Variants in PALM2AKAP2 observed in about 807,000 individuals in gnomAD.
PALM2AKAP2 encodes PALM2 and AKAP2 fusion.
Under a neutral mutation model 71.5 loss-of-function variants are expected in PALM2AKAP2, and 37 were observed. That is an observed-to-expected ratio of 0.52 (90% confidence interval 0.40 to 0.68). PALM2AKAP2 has a LOEUF of 0.68. Ranked by LOEUF, PALM2AKAP2 falls within the 30% of genes least tolerant of loss-of-function variation. The pLI is 0.00. For missense variants in PALM2AKAP2, 1,224 were observed against 1,191.8 expected, an observed-to-expected ratio of 1.03 and a Z score of -0.40; for synonymous variants, 468 against 478.8, an observed-to-expected ratio of 0.98 and a Z score of 0.29.
At chr9:109,704,495 G>C (rs1471276268) in intron 1 of PALM2AKAP2, among the ~76,000 whole-genome samples, 1 of 152,208 alleles carries the variant, frequency 6.6e-6, no homozygotes, top group African/African-American at 2.4e-5. Context: ...AAAAGTTTTA[G>C]AGGGAGGATA....
intron 6 of PALM2AKAP2, among the ~76,000 whole-genome samples, chr9:110,005,417 G>A (rs953780985): frequency 7.9e-5 from 12 of 152,236 alleles, no homozygotes. Context: ...CCGGCTATGT[G>A]AGATGTCAGT....
chr9:109,647,394 T>C (rs1827169784), intron 1 of PALM2AKAP2, among the ~76,000 whole-genome samples: 1 of 152,224 alleles, frequency 6.6e-6, no homozygotes, highest in South Asian at 2.1e-4. Flanking sequence ...CACTTTTTGC[T>C]ACTATTTTCA....
At chr9:110,064,650 G>A (rs1028766351) in intron 1 of PALM2AKAP2, among the ~76,000 whole-genome samples, 7 of 152,348 alleles carry the variant, frequency 4.6e-5, no homozygotes, top group Admixed American at 1.3e-4. Flanking sequence ...CTCTGGCCCC[G>A]GAACTGGGGC....
intron 7 of PALM2AKAP2, among the ~76,000 whole-genome samples, chr9:110,021,041 T>C (rs1345231376): frequency 6.6e-6 from 1 of 150,678 alleles, no homozygotes; most frequent in African/African-American, 2.4e-5. Flanking sequence ...AGGAGGCAGA[T>C]GTTGCAGTGA....
intron 1 of PALM2AKAP2, among the ~76,000 whole-genome samples, chr9:109,791,526 C>CA (rs142798736): frequency 0.015 from 2,360 of 152,260 alleles, 65 homozygotes; most frequent in African/African-American, 0.054. Flanking sequence ...TAGGGCACCC[C>CA]AGGCTTCAGA....
intron 1 of PALM2AKAP2, among the ~76,000 whole-genome samples, chr9:109,757,101 C>G (rs1018107260): frequency 2.6e-5 from 4 of 152,084 alleles, no homozygotes; most frequent in African/African-American, 9.7e-5. Context: ...GCCAACCACT[C>G]TTTATCCCCA....
chr9:110,123,170 T>G (rs1336392343), intron 1 of PALM2AKAP2, among the ~76,000 whole-genome samples: 1 of 152,224 alleles, frequency 6.6e-6, no homozygotes, highest in Non-Finnish European at 1.5e-5. Flanking sequence ...TGCATGGGTG[T>G]GTATGTGTGA....
intron 6 of PALM2AKAP2, among the ~76,000 whole-genome samples, chr9:109,999,392 T>TA (rs1450701625): frequency 2.6e-5 from 4 of 151,434 alleles, no homozygotes; most frequent in South Asian, 2.1e-4. Flanking sequence ...CAAATAAAAA[T>TA]AAAAAAAATG....
chr9:109,653,550 A>G (rs894226818), intron 1 of PALM2AKAP2, among the ~76,000 whole-genome samples: 2 of 152,206 alleles, frequency 1.3e-5, no homozygotes, highest in Non-Finnish European at 2.9e-5. Context: ...AAAGACATTA[A>G]TAATAAGGTC....
intron 1 of PALM2AKAP2, among the ~76,000 whole-genome samples, chr9:110,086,457 A>G (rs1443560293): frequency 6.6e-6 from 1 of 152,226 alleles, no homozygotes; most frequent in South Asian, 2.1e-4. Context: ...TCAGACCTAC[A>G]TAGAGGCAAT....
At chr9:109,853,248 C>T (rs1031762156) in intron 1 of PALM2AKAP2, among the ~76,000 whole-genome samples, 1 of 148,572 alleles carries the variant, frequency 6.7e-6, no homozygotes, top group African/African-American at 2.5e-5. Context: ...AACACTCCCA[C>T]CCCCAGTACC....
intron 1 of PALM2AKAP2, among the ~76,000 whole-genome samples, chr9:110,049,741 C>T (rs1833673272): frequency 6.6e-6 from 1 of 152,162 alleles, no homozygotes. Context: ...CAAGAAATCC[C>T]AGAGAAACGG....
At chr9:109,890,064 G>A (rs759193910) in intron 3 of PALM2AKAP2, among the ~76,000 whole-genome samples, 6 of 152,250 alleles carry the variant, frequency 3.9e-5, no homozygotes, top group South Asian at 4.2e-4. Context: ...GGCTTGTAAC[G>A]TGGTCATTTC....
chr9:110,025,307 G>T, intron 7 of PALM2AKAP2: 1 of 1,207,996 alleles, frequency 8.3e-7, no homozygotes, highest in South Asian at 1.2e-5. Flanking sequence ...TTTCTAAAAG[G>T]CCTAGAGAAC....
chr9:109,870,698 G>C (rs192966805), intron 2 of PALM2AKAP2, among the ~76,000 whole-genome samples: 1 of 152,176 alleles, frequency 6.6e-6, no homozygotes, highest in African/African-American at 2.4e-5. Flanking sequence ...CCAGGCCACC[G>C]TTCTCTTTGA....
At chr9:109,958,371 C>G (rs4978861) in intron 6 of PALM2AKAP2, among the ~76,000 whole-genome samples, 2 of 151,972 alleles carry the variant, frequency 1.3e-5, no homozygotes, top group Non-Finnish European at 2.9e-5. Flanking sequence ...CATGATGTGA[C>G]AGAAGCAGCA....
At chr9:109,952,025 T>C (rs1831653117) in intron 6 of PALM2AKAP2, among the ~76,000 whole-genome samples, 1 of 152,204 alleles carries the variant, frequency 6.6e-6, no homozygotes, top group South Asian at 2.1e-4. Context: ...GGACTTTGTT[T>C]CTCTTGTTCA....
At chr9:109,876,301 A>G (rs574658093) in intron 2 of PALM2AKAP2, among the ~76,000 whole-genome samples, 6 of 152,298 alleles carry the variant, frequency 3.9e-5, no homozygotes, top group African/African-American at 1.4e-4. Flanking sequence ...TGGAGACAAC[A>G]TAAGGGGGAT....
rs553890792 is a variant in PALM2AKAP2, at chr9:109,807,474, CAAG to C, written c.45+26942_45+26944del. ...AGGCATTAGTAGGTTTGGTGTCTGG[CAAG>C]GGCCTGTTTCCTGGTTCATAGATGG... On this transcript the variant is annotated intron_variant, in intron 1 of 9. Coordinates refer to the PALM2AKAP2 transcript ENST00000302798. Among the ~76,000 whole-genome samples the C allele has an allele frequency of 1.5e-3, 228 of 151,734 alleles. 1 individual carries two copies. The highest frequency in any genetic ancestry group is 5.0e-3 in the African/African-American group (207 of 41,320).
Sources: gnomAD v4.1 joint callset for allele counts (sites outside exome capture counted in the v4.1 genomes callset) on GRCh38, gnomAD v4.1.1 for gene constraint, MANE v1.5 for transcripts, NCBI Gene and HGNC (gene_info 2026-07-23, HGNC 2026-07-21) for gene names.